Variants in RIPK4 observed in about 807,000 individuals in gnomAD.
RIPK4 encodes receptor interacting serine/threonine kinase 4, also known as receptor-interacting serine/threonine-protein kinase 4.
RIPK4 carries 17 observed loss-of-function variants against 42.9 expected under a neutral mutation model. The ratio of observed to expected loss-of-function variants is 0.40; its 90% CI spans 0.27 to 0.59. The LOEUF (loss-of-function observed/expected upper bound fraction) is 0.59. Among genes scored for constraint, RIPK4 ranks in the 20% least tolerant of loss-of-function variants. The probability of loss-of-function intolerance (pLI) is 0.47; values close to 1 mark genes in which losing one functional copy is unlikely to be tolerated. For missense variants in RIPK4, 897 were observed against 1,104.4 expected, an observed-to-expected ratio of 0.81 and a Z score of 2.66; for synonymous variants, 498 against 499.1, an observed-to-expected ratio of 1.00 and a Z score of 0.03.
At chr21:41,745,581 G>A (rs2061167993) in intron 6 of RIPK4, among the ~76,000 whole-genome samples, 178 bp downstream of exon 6, 1 of 152,124 alleles carries the variant, frequency 6.6e-6, no homozygotes, top group Non-Finnish European at 1.5e-5. Flanking sequence ...GGATGCAGTC[G>A]GGCAGGTGGA....
Position 41,741,092 on chromosome 21 carries a change from G to C in RIPK4, c.2101C>G (p.Pro701Ala). The change falls in exon 8 of 8, where the codon CCC becomes GCC. Residue 701 changes from proline to alanine, a missense_variant. Coordinates refer to ENST00000332512, the MANE Select transcript of RIPK4 (RefSeq NM_020639.3). ...EEKADVLARGPLNQTALHLAA... is the reference protein window; with the variant it reads ...EEKADVLARGALNQTALHLAA... ...AGGTGCAGCGCCGTCTGGTTCAGGG[G>C]TCCCCGGGCCAGCACATCGGCCTTC... 6.2e-7 allele frequency: 1 copy of C among 1,612,138 alleles called. No individual in the cohort carries two copies. Among genetic ancestry groups the C allele is most frequent in the Non-Finnish European group, 8.5e-7 (1 of 1,179,836 alleles).
At chr21:41,757,448 G>A (rs2061207171) in intron 1 of RIPK4, among the ~76,000 whole-genome samples, 2 of 151,692 alleles carry the variant, frequency 1.3e-5, no homozygotes. Flanking sequence ...CTTGAACCAG[G>A]GAGGCAGAGG....
At chr21:41,756,464 C>T (rs1450445501) in intron 2 of RIPK4, 61 bp downstream of exon 2, 1 of 1,565,536 alleles carries the variant, frequency 6.4e-7, no homozygotes, top group African/African-American at 1.3e-5. Flanking sequence ...CCTTGATACC[C>T]TGCTCCCCAA....
chr21:41,756,055 CT>C (rs1285208885), intron 2 of RIPK4, among the ~76,000 whole-genome samples: 5 of 152,232 alleles, frequency 3.3e-5, no homozygotes, highest in African/African-American at 1.2e-4. Flanking sequence ...TCACAAGCCT[CT>C]TTCCACAGCA....
At position 41,756,283 on chromosome 21, in the gene RIPK4, C is replaced by T. The variant is rs114747253; in HGVS notation, c.474+242G>A. Among the ~76,000 whole-genome samples the T allele has an allele frequency of 5.1e-3, 778 of 152,324 alleles. 8 individuals are homozygous for T. The highest frequency in any genetic ancestry group is 0.018 in the African/African-American group (740 of 41,572). ...ATATGCCAAGATTTGGGGGAACAGCCCCCATGTTCACCAAGCTACCCTCCA... is the reference window on the plus strand; with the variant it reads ...ATATGCCAAGATTTGGGGGAACAGCTCCCATGTTCACCAAGCTACCCTCCA... On this transcript the variant is annotated intron_variant, in intron 2 of 7. Coordinates refer to ENST00000332512, the MANE Select transcript of RIPK4 (RefSeq NM_020639.3).
At chr21:41,758,312 C>T (rs1298523350) in intron 1 of RIPK4, among the ~76,000 whole-genome samples, 1 of 152,110 alleles carries the variant, frequency 6.6e-6, no homozygotes, top group Non-Finnish European at 1.5e-5. Flanking sequence ...TAAGCATAAG[C>T]ATATAAAATT....
rs965577127 is a variant in RIPK4, at chr21:41,741,398, C to T, written c.1795G>A (p.Ala599Thr). 9 of 1,612,572 alleles carry T rather than the reference C, an allele frequency of 5.6e-6. No individual in the cohort carries two copies. Among genetic ancestry groups the T allele is most frequent in the East Asian group, 2.2e-5 (1 of 44,888 alleles). Residue 599 changes from alanine (A) to threonine (T), a missense_variant, in exon 8 of 8, where the codon GCC becomes ACC. Ala to Thr is a moderately conservative substitution (Grantham distance 58). Transcript: ENST00000332512. ...LAKQPGVSVN[A>T]QTLDGRTPLH... is the part of the protein sequence containing the mutation. ...GGCGTCCTCCCATCCAGCGTCTGGG[C>T]GTTCACACTCACCCCCGGCTGCTTG...
chr21:41,746,562 T>C (rs774381110), intron 5 of RIPK4, 51 bp downstream of exon 5: 1 of 1,597,356 alleles, frequency 6.3e-7, no homozygotes, highest in Admixed American at 1.7e-5. Flanking sequence ...CTGTCACCTC[T>C]GTCTCCTGTG....
rs756553179 is a variant in RIPK4 at position 41,751,270 on chromosome 21, G to A, written c.475-25C>T. On this transcript the variant is annotated intron_variant, in intron 2 of 7. Coordinates refer to ENST00000332512, the MANE Select transcript of RIPK4 (RefSeq NM_020639.3). This position sits in a 1 kb window ranked among gnomAD's most constrained non-coding sequence, Gnocchi z 4.5. ...TCTGCAACACAGCCATCAGAGCGGG[G>A]CTCATTAGCCTGCAACAGTGATATT... 1.9e-6 allele frequency: 3 copies of A among 1,612,768 alleles called. No homozygotes were observed. The highest frequency in any genetic ancestry group is 1.3e-5 in the African/African-American group (1 of 75,024).
intron 1 of RIPK4, among the ~76,000 whole-genome samples, chr21:41,757,180 T>C (rs2061206166): frequency 6.6e-6 from 1 of 152,054 alleles, no homozygotes; most frequent in Admixed American, 6.6e-5. Context: ...GATAATCCCT[T>C]CTCCTGGGAG....
At chr21:41,743,089 A>G (rs773857656) in intron 7 of RIPK4, among the ~76,000 whole-genome samples, 70 of 152,296 alleles carry the variant, frequency 4.6e-4, no homozygotes, top group South Asian at 2.1e-4. Flanking sequence ...TTTCCAATCC[A>G]CCAGGAAAAG....
intron 2 of RIPK4, among the ~76,000 whole-genome samples, chr21:41,756,106 CA>C (rs747117423): frequency 6.6e-6 from 1 of 152,160 alleles, no homozygotes; most frequent in Non-Finnish European, 1.5e-5. Flanking sequence ...ACATTCCCAC[CA>C]CCCCGAGCTC....
At position 41,740,325 on chromosome 21, in the gene RIPK4, G is replaced by A. The variant is rs1293791934; in HGVS notation, c.*513C>T. ...TCCAATGTTATGAACATTTTTAACA[G>A]GTTTCAAGCAACAGCTGATAAGGTA... On this transcript the variant is annotated 3_prime_UTR_variant, in exon 8 of 8. Transcript: ENST00000332512. 1 of 154,008 alleles carries A rather than the reference G, an allele frequency of 6.5e-6. No homozygotes were observed. 9.5% of individuals were successfully genotyped at this position (154,008 alleles called of 1,614,324 possible).
chr21:41,744,849 C>T (rs1208701705), intron 6 of RIPK4, among the ~76,000 whole-genome samples: 1 of 152,214 alleles, frequency 6.6e-6, no homozygotes, highest in Non-Finnish European at 1.5e-5. Context: ...TCCAATCCGA[C>T]ATACACCGAT....
intron 2 of RIPK4, among the ~76,000 whole-genome samples, chr21:41,752,698 C>T (rs1288992946): frequency 6.6e-6 from 1 of 152,160 alleles, no homozygotes; most frequent in Non-Finnish European, 1.5e-5. Flanking sequence ...CCAAATAGCT[C>T]CAGAGCACAG....
chr21:41,762,801 G>A (rs2061224787), intron 1 of RIPK4, among the ~76,000 whole-genome samples: 2 of 151,826 alleles, frequency 1.3e-5, no homozygotes, highest in African/African-American at 2.4e-5. Flanking sequence ...ATTTTAACAC[G>A]TGGAGAGATG....
rs55645753 is a variant in RIPK4 at position 41,741,950 on chromosome 21, C to A, written c.1243G>T (p.Val415Leu). The A allele has an allele frequency of 3.7e-6, 6 of 1,607,964 alleles. No individual in the cohort carries two copies. Among genetic ancestry groups the A allele is most frequent in the Admixed American group, 3.3e-5 (2 of 59,776 alleles). ...ATCAGTTTGCTGGTGTCCCCGGACACGATGGCATCCACAAGCTTCTTCTTC... is the reference window on the plus strand; with the variant it reads ...ATCAGTTTGCTGGTGTCCCCGGACAAGATGGCATCCACAAGCTTCTTCTTC... Reference protein sequence around the residue: ...VQKKKLVDAIVSGDTSKLMKI... With the variant: ...VQKKKLVDAILSGDTSKLMKI... Residue 415 changes from valine (V) to leucine (L), a missense_variant, in exon 8 of 8, where the codon GTG (valine) becomes TTG (leucine). Transcript: ENST00000332512.
At chr21:41,753,439 C>T (rs1465834585) in intron 2 of RIPK4, among the ~76,000 whole-genome samples, 2 of 152,168 alleles carry the variant, frequency 1.3e-5, no homozygotes, top group Non-Finnish European at 2.9e-5. Flanking sequence ...AAACCTCTGG[C>T]AACAAAATGC....
At position 41,740,606 on chromosome 21, in the gene RIPK4, A is replaced by G. The variant is rs977078460; in HGVS notation, c.*232T>C. ...TGATTCTGACCCACGGTCCCTTCAG[A>G]CAGCAGGTGCCTAGATCGATGATGG... On this transcript the variant is annotated 3_prime_UTR_variant, in exon 8 of 8. Coordinates refer to ENST00000332512, the MANE Select transcript of RIPK4 (RefSeq NM_020639.3). 95 of 548,152 alleles carry G rather than the reference A, an allele frequency of 1.7e-4. No individual in the cohort carries two copies. Among genetic ancestry groups the G allele is most frequent in the Non-Finnish European group, 3.0e-4 (92 of 311,420 alleles). 34.0% of individuals were successfully genotyped at this position (548,152 alleles called of 1,614,324 possible).
Sources: allele counts gnomAD v4.1 joint callset (sites outside exome capture counted in the v4.1 genomes callset), GRCh38; gene constraint gnomAD v4.1.1; non-coding constraint Gnocchi (gnomAD v3.1); transcripts MANE v1.5; gene names NCBI Gene and HGNC (gene_info 2026-07-23, HGNC 2026-07-21).